LACTB2: variants seen among roughly 807,000 people sequenced by gnomAD.
LACTB2 encodes the protein endoribonuclease LACTB2.
Under a neutral mutation model 34.8 loss-of-function variants are expected in LACTB2, and 32 were observed. The ratio of observed to expected loss-of-function variants is 0.92; its 90% CI spans 0.69 to 1.24. The LOEUF (loss-of-function observed/expected upper bound fraction) is 1.24, where lower values mean the gene tolerates loss of function less well. LACTB2 is among the 50% of genes most tolerant of loss of function. The probability of loss-of-function intolerance (pLI) is 0.00; values close to 1 mark genes in which losing one functional copy is unlikely to be tolerated. For missense variants in LACTB2, 320 were observed against 345.0 expected (o/e 0.93, Z 0.57); for synonymous variants, 120 against 117.5 (o/e 1.02, Z -0.14).
intron 3 of LACTB2, among the ~76,000 whole-genome samples, chr8:70,649,470 A>G (rs1287718530): frequency 6.6e-6 from 1 of 152,188 alleles, no homozygotes; most frequent in Non-Finnish European, 1.5e-5. Context: ...ACAAAGCAAA[A>G]ACAATGACTA....
chr8:70,658,413 AAATT>A (rs758261872), intron 2 of LACTB2, among the ~76,000 whole-genome samples: 4 of 152,220 alleles, frequency 2.6e-5, no homozygotes, highest in East Asian at 3.8e-4. Flanking sequence ...CAAAGAAAAT[AAATT>A]AATTAACCAA....
chr8:70,645,366 T>G (rs951790003), intron 3 of LACTB2, among the ~76,000 whole-genome samples: 23 of 152,228 alleles, frequency 1.5e-4, no homozygotes, highest in African/African-American at 5.3e-4. Context: ...GACAAGTATT[T>G]AAGTGCTTAG....
chr8:70,644,233 T>C lies in LACTB2; in HGVS notation c.424A>G (p.Thr142Ala). Residue 142 changes from threonine to alanine, a missense_variant, in exon 4 of 7, where the codon ACC becomes GCC. Physicochemically the swap from Thr to Ala is moderately conservative, Grantham distance 58 (BLOSUM62 0). Transcript: ENST00000276590. ...ATGTGATCATCAGTGTGGCCAGGGG[T>C]ATATAGAACTCTGGTTGAAAGAAGA... ...TEGATLRVLY[T>A]PGHTDDHMAL... 3 of 1,566,114 alleles carry C rather than the reference T, an allele frequency of 1.9e-6. No individual in the cohort carries two copies. Among genetic ancestry groups the C allele is most frequent in the Non-Finnish European group, 2.6e-6 (3 of 1,159,760 alleles).
chr8:70,658,032 A>T (rs1818434458), intron 2 of LACTB2, 150 bp from the exon 3 acceptor site: 1 of 496,442 alleles, frequency 2.0e-6, no homozygotes, highest in Admixed American at 3.9e-5. Context: ...ACAGCAGGTT[A>T]TCTCTGGGAT....
At chr8:70,665,732 A>G (rs530571173) in intron 1 of LACTB2, among the ~76,000 whole-genome samples, 5 of 152,234 alleles carry the variant, frequency 3.3e-5, no homozygotes, top group Non-Finnish European at 7.4e-5. Context: ...TCATATGGCT[A>G]GTAAATGGCA....
At position 70,644,247 on chromosome 8, in the gene LACTB2, G is replaced by C. The variant is rs1400907103; in HGVS notation, c.414-4C>G. 1.9e-6 allele frequency: 3 copies of C among 1,543,610 alleles called. No homozygotes were observed. The highest frequency in any genetic ancestry group is 1.7e-6 in the Non-Finnish European group (2 of 1,147,598). Reference sequence around the variant, plus strand: ...GTGGCCAGGGGTATATAGAACTCTGGTTGAAAGAAGAAATAAGGAATAATA... The same window carrying C: ...GTGGCCAGGGGTATATAGAACTCTGCTTGAAAGAAGAAATAAGGAATAATA... On this transcript the variant is annotated splice_region_variant and splice_polypyrimidine_tract_variant and intron_variant, in intron 3 of 6. Coordinates refer to ENST00000276590, the MANE Select transcript of LACTB2 (RefSeq NM_016027.3).
Position 70,660,507 on chromosome 8 carries a change from A to C in LACTB2, c.286+1227T>G, listed in dbSNP as rs563406057. On this transcript the variant is annotated intron_variant, in intron 2 of 6. Transcript: ENST00000276590. ...TCCCAATTGTAGTCACAAGGCCTAAAAAAGCAGATCTTTACAAATGTTTAA... is the reference window on the plus strand; with the variant it reads ...TCCCAATTGTAGTCACAAGGCCTAACAAAGCAGATCTTTACAAATGTTTAA... The C allele has an allele frequency of 1.5e-5, 6 of 411,146 alleles. No individual in the cohort carries two copies. The Admixed American group carries it at 1.6e-4, about 11-fold the overall frequency. 25.5% of individuals were successfully genotyped at this position (411,146 alleles called of 1,614,324 possible).
At chr8:70,638,421 C>A in intron 6 of LACTB2, 127 bp downstream of exon 6, 1 of 1,050,676 alleles carries the variant, frequency 9.5e-7, no homozygotes, top group Non-Finnish European at 1.3e-6. Context: ...TAGCGCCTGT[C>A]TCTCCAACTT....
Position 70,644,167 on chromosome 8 carries a change from C to T in LACTB2, c.490G>A (p.Asp164Asn). The T allele has an allele frequency of 6.2e-7, 1 of 1,613,112 alleles. No homozygotes were observed. The highest frequency in any genetic ancestry group is 8.5e-7 in the Non-Finnish European group (1 of 1,179,432). Residue 164 changes from aspartate (D) to asparagine (N), a missense_variant, in exon 4 of 7, where the codon GAT (aspartate) becomes AAT (asparagine). Coordinates refer to ENST00000276590, the MANE Select transcript of LACTB2 (RefSeq NM_016027.3). ...LEEENAIFSG[D>N]CILGEGTTVF... is the part of the protein sequence containing the mutation. ...GTTGTTCCTTCCCCTAGGATGCAATCTCCAGAAAAGATAGCATTTTCCTCT... is the reference window on the plus strand; with the variant it reads ...GTTGTTCCTTCCCCTAGGATGCAATTTCCAGAAAAGATAGCATTTTCCTCT...
At chr8:70,639,039 A>G (rs1233240061) in intron 5 of LACTB2, among the ~76,000 whole-genome samples, 2 of 150,968 alleles carry the variant, frequency 1.3e-5, no homozygotes, top group Non-Finnish European at 3.0e-5. Flanking sequence ...CGCCTGGCCT[A>G]TCTTAAACAC....
At chr8:70,641,995 G>A (rs1303607051) in intron 4 of LACTB2, among the ~76,000 whole-genome samples, 1 of 152,130 alleles carries the variant, frequency 6.6e-6, no homozygotes, top group African/African-American at 2.4e-5. Flanking sequence ...GTTTTGGTGA[G>A]GATGACAACT....
intron 3 of LACTB2, chr8:70,652,387 C>A (rs1818354236): frequency 6.6e-6 from 1 of 152,114 alleles, no homozygotes; most frequent in South Asian, 2.1e-4. Flanking sequence ...AATTGAAAAC[C>A]ACATTCATCA....
chr8:70,653,955 C>G (rs1436315918), intron 3 of LACTB2: 1 of 152,076 alleles, frequency 6.6e-6, no homozygotes, highest in African/African-American at 2.4e-5. Flanking sequence ...TGTATGGGAC[C>G]AAGAAATAAA....
intron 2 of LACTB2, chr8:70,660,671 T>G (rs1818470426): frequency 2.2e-6 from 1 of 456,280 alleles, no homozygotes; most frequent in South Asian, 1.5e-5. Flanking sequence ...AGGAGCTTGC[T>G]CCTTCTCTCT....
At chr8:70,661,288 AG>A (rs1818478663) in intron 2 of LACTB2, 2 of 309,824 alleles carry the variant, frequency 6.5e-6, no homozygotes, top group Non-Finnish European at 1.3e-5. Flanking sequence ...AGTACTGTAT[AG>A]GTTTCAGGGA....
chr8:70,657,666 G>C lies in LACTB2; in HGVS notation c.413+90C>G, dbSNP rs1818428173. 5 of 1,268,790 alleles carry C rather than the reference G, an allele frequency of 3.9e-6. No homozygotes were observed. The East Asian group carries it at 8.2e-5, about 21-fold the overall frequency. The allele number at this position is 1,268,790 out of a possible 1,614,324, so 78.6% of individuals were successfully genotyped here. A position where few individuals can be genotyped will look rare whatever the true frequency, so the allele number is the denominator to read the frequency against. ...GGGCTCAAACGATCTTCCCATCTCAGCCTCCCAAAATGCTGGGATCCTTCC... is the reference window on the plus strand; with the variant it reads ...GGGCTCAAACGATCTTCCCATCTCACCCTCCCAAAATGCTGGGATCCTTCC... On this transcript the variant is annotated intron_variant, in intron 3 of 6. Transcript: ENST00000276590.
intron 4 of LACTB2, among the ~76,000 whole-genome samples, chr8:70,642,426 T>C (rs1818210092): frequency 6.6e-6 from 1 of 152,122 alleles, no homozygotes; most frequent in African/African-American, 2.4e-5. Context: ...AATCGCAAGT[T>C]AGAAGAACTT....
chr8:70,643,254 C>T (rs985497981), intron 4 of LACTB2, among the ~76,000 whole-genome samples: 5 of 104,374 alleles, frequency 4.8e-5, no homozygotes, highest in Admixed American at 1.5e-4. Flanking sequence ...GACAGAGTTT[C>T]GCTCTGTTGC....
In LACTB2 at chr8:70,669,088, C is replaced by T. The variant is rs1379786148; in HGVS notation, c.33G>A (p.Leu11=). The T allele has an allele frequency of 6.2e-7, 1 of 1,612,338 alleles. No homozygotes were observed. The highest frequency in any genetic ancestry group is 1.7e-5 in the Admixed American group (1 of 59,840). The change falls in exon 1 of 7, where the codon CTG becomes CTA. Residue 11 remains leucine, a synonymous_variant. Transcript: ENST00000276590. MAAVLQRVER[L]SNRVVRVLGC... Reference sequence around the variant, plus strand: ...CCAACACACGCACGACTCGATTGGACAGCCGCTCGACGCGCTGCAGTACAG... The same window carrying T: ...CCAACACACGCACGACTCGATTGGATAGCCGCTCGACGCGCTGCAGTACAG...
Sources: gnomAD v4.1 joint callset for allele counts (sites outside exome capture counted in the v4.1 genomes callset) on GRCh38, gnomAD v4.1.1 for gene constraint, MANE v1.5 for transcripts, NCBI Gene and HGNC (gene_info 2026-07-23, HGNC 2026-07-21) for gene names.